Variants in RPS6KB2 observed in about 807,000 individuals in gnomAD.
RPS6KB2 encodes the protein ribosomal protein S6 kinase beta-2.
In RPS6KB2, 51 loss-of-function variants were observed where a neutral mutation model predicts 58.2. The observed-to-expected ratio is 0.88, with a 90% CI of 0.70 to 1.11. The LOEUF (loss-of-function observed/expected upper bound fraction) is 1.11, where lower values mean the gene tolerates loss of function less well. Ranked by LOEUF, RPS6KB2 falls within the 50% of genes least tolerant of loss-of-function variation. The pLI is 0.00. For missense variants in RPS6KB2, 671 were observed against 655.8 expected, an observed-to-expected ratio of 1.02 and a Z score of -0.25; for synonymous variants, 293 against 258.6, an observed-to-expected ratio of 1.13 and a Z score of -1.28.
At chr11:67,432,713 C>G (rs1864072325) in intron 6 of RPS6KB2, 24 bp from the exon 7 acceptor site, 1 of 1,613,872 alleles carries the variant, frequency 6.2e-7, no homozygotes, top group African/African-American at 1.3e-5. Context: ...CTACTCCCGC[C>G]TTCACCCTGT....
intron 4 of RPS6KB2, chr11:67,430,025 C>CT (rs1251106577): frequency 6.0e-6 from 1 of 166,312 alleles, no homozygotes; most frequent in Non-Finnish European, 1.3e-5. Flanking sequence ...TGGCTGGTCT[C>CT]TAACTCCTAA....
chr11:67,434,424 G>C lies in RPS6KB2; in HGVS notation c.1095G>C (p.Gln365His), dbSNP rs1444450868. Residue 365 changes from glutamine (Q) to histidine (H), a missense_variant, in exon 13 of 15, where the codon CAG (glutamine) becomes CAC (histidine). By Grantham distance (24) the Gln-to-His change is conservative. Transcript: ENST00000312629. ...VSQFDTRFTR[Q>H]TPVDSPDDTA... Reference sequence around the variant, plus strand: ...AGTTTGATACCCGCTTCACACGGCAGACGCCGGTGGACAGTCCTGATGACA... The same window carrying C: ...AGTTTGATACCCGCTTCACACGGCACACGCCGGTGGACAGTCCTGATGACA... 3 of 1,613,000 alleles carry C rather than the reference G, an allele frequency of 1.9e-6. No individual in the cohort carries two copies. The highest frequency in any genetic ancestry group is 2.5e-6 in the Non-Finnish European group (3 of 1,180,020).
chr11:67,433,490 C>T (rs1864119294), intron 10 of RPS6KB2, 43 bp downstream of exon 10: 4 of 1,435,222 alleles, frequency 2.8e-6, no homozygotes, highest in Non-Finnish European at 3.9e-6. Context: ...GCCAGCCATT[C>T]TGCACGTGTT....
At chr11:67,433,299 G>A (rs750798777) in intron 9 of RPS6KB2, 41 bp from the exon 10 acceptor site, 8 of 1,602,904 alleles carry the variant, frequency 5.0e-6, no homozygotes, top group Non-Finnish European at 6.8e-6. Flanking sequence ...AGGGCCTGGT[G>A]GGAGGCCCAC....
chr11:67,432,169 G>C (rs545299423), intron 5 of RPS6KB2: 52 of 387,882 alleles, frequency 1.3e-4, no homozygotes, highest in Non-Finnish European at 2.5e-4. Flanking sequence ...TCCATGCTCT[G>C]CATTCGCTCC....
chr11:67,432,384 T>C (rs776588572), intron 5 of RPS6KB2: 1 of 694,966 alleles, frequency 1.4e-6, no homozygotes, highest in Admixed American at 2.0e-5. Flanking sequence ...AGTGGCTGGG[T>C]CTCTTCATCC....
chr11:67,433,409 CCCT>C lies in RPS6KB2; in HGVS notation c.869_871del (p.Pro290_Tyr291delinsHis), dbSNP rs1864115319. ...CATCAGGGGCAAGCTGGCACTGCCC[CCCT>C]ACCTCACCCCAGATGCCCGGGACCT... On this transcript the variant is annotated inframe_deletion, in exon 10 of 15. Coordinates refer to ENST00000312629, the MANE Select transcript of RPS6KB2 (RefSeq NM_003952.3). 6 of 1,613,818 alleles carry C rather than the reference CCCT, an allele frequency of 3.7e-6. No individual in the cohort carries two copies. The highest frequency in any genetic ancestry group is 1.3e-5 in the African/African-American group (1 of 74,928).
At chr11:67,432,321 T>C (rs1363449898) in intron 5 of RPS6KB2, 2 of 651,950 alleles carry the variant, frequency 3.1e-6, no homozygotes, top group Admixed American at 2.1e-5. Context: ...CCTGGCGTAT[T>C]AGAGCCGTTG....
At chr11:67,429,292 G>C in intron 3 of RPS6KB2, 52 bp downstream of exon 3, 1 of 1,604,052 alleles carries the variant, frequency 6.2e-7, no homozygotes. Flanking sequence ...TCTGGAGGCA[G>C]CAAAGGGTTC....
rs1177039404 is a variant in RPS6KB2, at chr11:67,431,382, C to T, written c.324C>T (p.Arg108=). 2 of 1,613,930 alleles carry T rather than the reference C, an allele frequency of 1.2e-6. No homozygotes were observed. The highest frequency in any genetic ancestry group is 1.7e-6 in the Non-Finnish European group (2 of 1,179,896). The change falls in exon 5 of 15, where the codon CGC becomes CGT. Residue 108 remains arginine, a synonymous_variant. Coordinates refer to ENST00000312629, the MANE Select transcript of RPS6KB2 (RefSeq NM_003952.3). ...TGTATCTCCAGGCCAAAATTGTGCG[C>T]AATGCCAAGGACACAGCACACACAC... ...MKVLRKAKIV[R]NAKDTAHTRA...
intron 5 of RPS6KB2, 164 bp downstream of exon 5, chr11:67,431,679 ATCAT>A (rs1344130382): frequency 2.2e-5 from 14 of 623,614 alleles, no homozygotes; most frequent in East Asian, 2.8e-5. Context: ...CATCCGTCCC[ATCAT>A]TCATTCATTC....
In RPS6KB2 at chr11:67,432,719, C is replaced by T. The variant is rs779644665; in HGVS notation, c.516-18C>T. 4 of 1,613,994 alleles carry T rather than the reference C, an allele frequency of 2.5e-6. No individual in the cohort carries two copies. The highest frequency in any genetic ancestry group is 3.4e-6 in the Non-Finnish European group (4 of 1,179,852). On this transcript the variant is annotated intron_variant, in intron 6 of 14. Coordinates refer to ENST00000312629, the MANE Select transcript of RPS6KB2 (RefSeq NM_003952.3). ...GTCCCTGCTCTACTCCCGCCTTCAC[C>T]CTGTCTTGTTTCTGCAGCTTCTACC...
intron 5 of RPS6KB2, 101 bp from the exon 6 acceptor site, chr11:67,432,499 C>A: frequency 1.6e-6 from 2 of 1,257,960 alleles, no homozygotes; most frequent in Non-Finnish European, 1.2e-6. Context: ...GCAGGTAGGG[C>A]GGGAATTATG....
In RPS6KB2 at chr11:67,433,430, C is replaced by T. The variant is rs766610080; in HGVS notation, c.889C>T (p.Arg297Trp). Residue 297 changes from arginine to tryptophan, a missense_variant, in exon 10 of 15, where the codon CGG becomes TGG. By Grantham distance (101) the Arg-to-Trp change is moderately radical. Transcript: ENST00000312629. ...ALPPYLTPDA[R>W]DLVKKFLKRN... ...GCCCCCCTACCTCACCCCAGATGCC[C>T]GGGACCTTGTCAAAAAGGTGCAGCT... 23 of 1,612,728 alleles carry T rather than the reference C, an allele frequency of 1.4e-5. No homozygotes were observed. Among genetic ancestry groups the T allele is most frequent in the Admixed American group, 6.7e-5 (4 of 60,000 alleles).
chr11:67,434,783 G>A, intron 14 of RPS6KB2, 89 bp downstream of exon 14: 2 of 1,130,596 alleles, frequency 1.8e-6, no homozygotes, highest in Non-Finnish European at 2.6e-6. Context: ...GGCCACGTCT[G>A]TCGGCCAGTG....
rs13859 is a variant in RPS6KB2 at position 67,434,685 on chromosome 11, C to T, written c.1259C>T (p.Ala420Val). The T allele has an allele frequency of 0.43, 693,101 of 1,600,374 alleles. 157,000 individuals are homozygous for T. The highest frequency in any genetic ancestry group is 0.75 in the African/African-American group (55,894 of 74,748). The change falls in exon 14 of 15, where the codon GCC becomes GTC. Residue 420 changes from alanine to valine, a missense_variant. Physicochemically the swap from Ala to Val is moderately conservative, Grantham distance 64. Coordinates refer to ENST00000312629, the MANE Select transcript of RPS6KB2 (RefSeq NM_003952.3). ...AGGCGCCTCAACAGTAGCCCCCGGG[C>T]CCCCGTCAGGTACTGAGGGACGTGG... Reference protein sequence around the residue: ...SPRRLNSSPRAPVSPLKFSPF... With the variant: ...SPRRLNSSPRVPVSPLKFSPF...
intron 4 of RPS6KB2, 147 bp from the exon 5 acceptor site, chr11:67,431,221 G>T (rs555727056): frequency 3.1e-5 from 20 of 649,122 alleles, no homozygotes; most frequent in Admixed American, 2.5e-4. Flanking sequence ...GTAGAGATGG[G>T]GTTTCACCAT....
intron 1 of RPS6KB2, 33 bp downstream of exon 1, chr11:67,428,656 G>C: frequency 6.3e-7 from 1 of 1,580,162 alleles, no homozygotes; most frequent in South Asian, 1.1e-5. Context: ...ACTGGATCCT[G>C]GAGCCGATCC....
At position 67,432,819 on chromosome 11, in the gene RPS6KB2, A is replaced by G. The variant is rs745976270; in HGVS notation, c.598A>G (p.Ile200Val). Residue 200 changes from isoleucine to valine, a missense_variant, in exon 7 of 15, where the codon ATC (isoleucine) becomes GTC (valine). Physicochemically the swap from Ile to Val is conservative, Grantham distance 29. Coordinates refer to ENST00000312629, the MANE Select transcript of RPS6KB2 (RefSeq NM_003952.3). ...CTACCGGGACCTCAAGCCCGAGAAC[A>G]TCATGCTCAGCAGCCAGGGTGCGCA... ...IIYRDLKPENIMLSSQGHIKL... is the reference protein window; with the variant it reads ...IIYRDLKPENVMLSSQGHIKL... 2 of 1,613,922 alleles carry G rather than the reference A, an allele frequency of 1.2e-6. No homozygotes were observed. The highest frequency in any genetic ancestry group is 2.2e-5 in the South Asian group (2 of 91,082).
Sources: gnomAD v4.1 joint callset for allele counts on GRCh38, gnomAD v4.1.1 for gene constraint, MANE v1.5 for transcripts, NCBI Gene and HGNC (gene_info 2026-07-23, HGNC 2026-07-21) for gene names.